OR6C6: variants seen among roughly 807,000 people sequenced by gnomAD.
OR6C6 encodes olfactory receptor 6C6.
For synonymous variants in OR6C6, 140 were observed against 135.2 expected, an observed-to-expected ratio of 1.04 and a Z score of -0.25; for missense variants, 411 against 366.8, an observed-to-expected ratio of 1.12 and a Z score of -0.98.
At position 55,294,037 on chromosome 12, in the gene OR6C6, C is replaced by T. The variant is rs916886183; in HGVS notation, c.*251G>A. 36 of 262,226 alleles carry T rather than the reference C, an allele frequency of 1.4e-4. No homozygotes were observed. The highest frequency in any genetic ancestry group is 5.6e-4 in the African/African-American group (25 of 44,750). 16.2% of individuals were successfully genotyped at this position (262,226 alleles called of 1,614,324 possible). A position where few individuals can be genotyped will look rare whatever the true frequency, so the allele number is the denominator to read the frequency against. The stretch of plus-strand genomic sequence containing the variant: ...TGGGCTCACTGCAACCTCCACCTCC[C>T]GAGTTCAAGCTATTCTCTTGCCTCA... On this transcript the variant is annotated 3_prime_UTR_variant, in exon 2 of 2. Coordinates refer to ENST00000358433, the MANE Select transcript of OR6C6 (RefSeq NM_001005493.2).
chr12:55,294,330 A>C lies in OR6C6; in HGVS notation c.903T>G (p.Asp301Glu). Residue 301 changes from aspartate to glutamate, a missense_variant, in exon 2 of 2, where the codon GAT becomes GAG. Asp to Glu is a conservative substitution (Grantham distance 45). Transcript: ENST00000358433. ...RNQQVKEVFW[D>E]VLQKNLCFSK... ...AAAAACACAAATTCTTTTGTAATAC[A>C]TCCCAGAAGACTTCTTTCACCTGCT... The C allele has an allele frequency of 3.1e-6, 5 of 1,606,810 alleles. No homozygotes were observed. Among genetic ancestry groups the C allele is most frequent in the Non-Finnish European group, 4.2e-6 (5 of 1,177,070 alleles).
rs762956616 is a variant in OR6C6, at chr12:55,295,185, T to C, written c.48A>G (p.Thr16=). The change falls in exon 2 of 2, where the codon ACA becomes ACG. Residue 16 remains threonine, a synonymous_variant. Coordinates refer to ENST00000358433, the MANE Select transcript of OR6C6 (RefSeq NM_001005493.2). ...MEIEFILLGL[T]DDPQLQIVIF... is the part of the protein sequence containing the mutation. ...TCACAATTTGCAACTGTGGGTCATC[T>C]GTCAATCCTAGGAGAATGAACTCTA... 1 of 1,613,166 alleles carries C rather than the reference T, an allele frequency of 6.2e-7. No individual in the cohort carries two copies. Among genetic ancestry groups the C allele is most frequent in the Admixed American group, 1.7e-5 (1 of 59,924 alleles).
In OR6C6 at chr12:55,295,145, A is replaced by G; in HGVS notation, c.88T>C (p.Phe30Leu). ...ATCAGGCTCAAGGTGTAGTTGAGAA[A>G]TAGAAACAGGAAAATCACAATTTGC... ...QLQIVIFLFL[F>L]LNYTLSLMGN... The change falls in exon 2 of 2, where the codon TTT (phenylalanine) becomes CTT (leucine). Residue 30 changes from phenylalanine (F) to leucine (L), a missense_variant. Physicochemically the swap from Phe to Leu is conservative, Grantham distance 22. Coordinates refer to ENST00000358433, the MANE Select transcript of OR6C6 (RefSeq NM_001005493.2). 6.2e-7 allele frequency: 1 copy of G among 1,613,868 alleles called. No homozygotes were observed. Among genetic ancestry groups the G allele is most frequent in the South Asian group, 1.1e-5 (1 of 91,072 alleles).
chr12:55,295,154 G>C lies in OR6C6; in HGVS notation c.79C>G (p.Leu27Val), dbSNP rs199957572. Residue 27 changes from leucine to valine, a missense_variant, in exon 2 of 2, where the codon CTG becomes GTG. By Grantham distance (32) the Leu-to-Val change is conservative. Coordinates refer to ENST00000358433, the MANE Select transcript of OR6C6 (RefSeq NM_001005493.2). ...AAGGTGTAGTTGAGAAATAGAAACA[G>C]GAAAATCACAATTTGCAACTGTGGG... ...DDPQLQIVIF[L>V]FLFLNYTLSL... 146 of 1,613,546 alleles carry C rather than the reference G, an allele frequency of 9.0e-5. 1 individual carries two copies. Among genetic ancestry groups the C allele is most frequent in the Non-Finnish European group, 7.9e-5 (93 of 1,179,770 alleles).
chr12:55,294,870 G>T lies in OR6C6; in HGVS notation c.363C>A (p.Tyr121Ter). ...AATGCAGTGGTTTGCAGATGGCAAC[G>T]TAGCGGTCATAGGACATGGCAGCCA... ...YLLAAMSYDR[Y>*]VAICKPLHYP... Residue 121 changes from tyrosine (Y) to a stop codon, truncating the protein, a stop_gained, in exon 2 of 2, where the codon TAC becomes TAA. Transcript: ENST00000358433. LOFTEE classifies it low-confidence loss of function (END_TRUNC). 1 of 1,614,064 alleles carries T rather than the reference G, an allele frequency of 6.2e-7. No individual in the cohort carries two copies. Among genetic ancestry groups the T allele is most frequent in the African/African-American group, 1.3e-5 (1 of 75,048 alleles).
intron 1 of OR6C6, among the ~76,000 whole-genome samples, chr12:55,295,735 G>T (rs1337296474): frequency 6.6e-6 from 1 of 151,902 alleles, no homozygotes; most frequent in Non-Finnish European, 1.5e-5. Flanking sequence ...GCAATAAATA[G>T]TTAAAGATCC....
Position 55,294,597 on chromosome 12 carries a change from C to T in OR6C6, c.636G>A (p.Val212=). The T allele has an allele frequency of 6.2e-7, 1 of 1,614,064 alleles. No homozygotes were observed. Among genetic ancestry groups the T allele is most frequent in the Middle Eastern group, 1.7e-4 (1 of 6,060 alleles). ...TAATAATGCAAGTGTAAGAGAGAAT[C>T]ACTAATACCAGTGTGACCACAAGTG... ...VVTLVVTLVL[V]ILSYTCIIKT... Residue 212 remains valine (V), a synonymous_variant, in exon 2 of 2, where the codon GTG becomes GTA. Coordinates refer to ENST00000358433, the MANE Select transcript of OR6C6 (RefSeq NM_001005493.2).
chr12:55,294,395 C>T lies in OR6C6; in HGVS notation c.838G>A (p.Ala280Thr). 1 of 1,612,836 alleles carries T rather than the reference C, an allele frequency of 6.2e-7. No individual in the cohort carries two copies. The highest frequency in any genetic ancestry group is 8.5e-7 in the Non-Finnish European group (1 of 1,178,942). ...KGVALLYTSI[A>T]PLLNPFIYTL... ...TAAATGAAGGGATTTAGTAAAGGGGCAATTGAGGTATAGAGCAAAGCTACA... is the reference window on the plus strand; with the variant it reads ...TAAATGAAGGGATTTAGTAAAGGGGTAATTGAGGTATAGAGCAAAGCTACA... Residue 280 changes from alanine to threonine, a missense_variant, in exon 2 of 2, where the codon GCC becomes ACC. Transcript: ENST00000358433.
In OR6C6 at chr12:55,294,334, C is replaced by T; in HGVS notation, c.899G>A (p.Trp300Ter). 1 of 1,612,472 alleles carries T rather than the reference C, an allele frequency of 6.2e-7. No individual in the cohort carries two copies. The highest frequency in any genetic ancestry group is 1.1e-5 in the South Asian group (1 of 90,934). ...LRNQQVKEVF[W>*]DVLQKNLCFS... Reference sequence around the variant, plus strand: ...ACACAAATTCTTTTGTAATACATCCCAGAAGACTTCTTTCACCTGCTGGTT... The same window carrying T: ...ACACAAATTCTTTTGTAATACATCCTAGAAGACTTCTTTCACCTGCTGGTT... Residue 300 changes from tryptophan (W) to a stop codon, truncating the protein, a stop_gained, in exon 2 of 2, where the codon TGG becomes TAG. Coordinates refer to ENST00000358433, the MANE Select transcript of OR6C6 (RefSeq NM_001005493.2). LOFTEE classifies it low-confidence loss of function (END_TRUNC).
chr12:55,295,529 A>G (rs1361294652), intron 1 of OR6C6, among the ~76,000 whole-genome samples: 4 of 151,870 alleles, frequency 2.6e-5, no homozygotes, highest in African/African-American at 9.7e-5. Context: ...TGTCAGATGA[A>G]CTCTACTCTG....
chr12:55,294,791 C>A lies in OR6C6; in HGVS notation c.442G>T (p.Val148Leu). 6.2e-7 allele frequency: 1 copy of A among 1,614,044 alleles called. No homozygotes were observed. The highest frequency in any genetic ancestry group is 8.5e-7 in the Non-Finnish European group (1 of 1,180,004). Residue 148 changes from valine (V) to leucine (L), a missense_variant, in exon 2 of 2, where the codon GTA (valine) becomes TTA (leucine). By Grantham distance (32) the Val-to-Leu change is conservative. Transcript: ENST00000358433. Reference sequence around the variant, plus strand: ...GGAAATATGATTAAGAATCCAGTTACCCAAGAGCTAAGTACAAGTTGGTAG... The same window carrying A: ...GGAAATATGATTAAGAATCCAGTTAACCAAGAGCTAAGTACAAGTTGGTAG... ...VCYQLVLSSW[V>L]TGFLIIFPPL...
In OR6C6 at chr12:55,294,505, A is replaced by G. The variant is rs749892441; in HGVS notation, c.728T>C (p.Met243Thr). The change falls in exon 2 of 2, where the codon ATG becomes ACG. Residue 243 changes from methionine to threonine, a missense_variant. Transcript: ENST00000358433. The stretch of plus-strand genomic sequence containing the variant: ...ACCGTATGTCATGGAGACAACAATC[A>G]TGTGGGAAGTACAGGTGGAAAATGC... ...NKAFSTCTSH[M>T]IVVSMTYGSC... The G allele has an allele frequency of 1.7e-5, 27 of 1,613,710 alleles. No individual in the cohort carries two copies. Among genetic ancestry groups the G allele is most frequent in the East Asian group, 2.2e-5 (1 of 44,864 alleles).
chr12:55,295,975 G>A (rs1031108949), intron 1 of OR6C6, among the ~76,000 whole-genome samples: 2 of 151,650 alleles, frequency 1.3e-5, no homozygotes, highest in Non-Finnish European at 1.5e-5. Flanking sequence ...ACATAATTTC[G>A]GCTATTTTTT....
chr12:55,294,806 C>T lies in OR6C6; in HGVS notation c.427G>A (p.Val143Ile). The change falls in exon 2 of 2, where the codon GTA becomes ATA. Residue 143 changes from valine (V) to isoleucine (I), a missense_variant. By Grantham distance (29) the Val-to-Ile change is conservative (BLOSUM62 3). Coordinates refer to ENST00000358433, the MANE Select transcript of OR6C6 (RefSeq NM_001005493.2). ...AATCCAGTTACCCAAGAGCTAAGTA[C>T]AAGTTGGTAGCAGACTTTGCTGCTC... ...IMSSKVCYQL[V>I]LSSWVTGFLI... is the part of the protein sequence containing the mutation. The T allele has an allele frequency of 6.2e-7, 1 of 1,614,068 alleles. No homozygotes were observed. The highest frequency in any genetic ancestry group is 8.5e-7 in the Non-Finnish European group (1 of 1,179,998).
chr12:55,295,325 A>G (rs1868250818), intron 1 of OR6C6, 68 bp from the exon 2 acceptor site: 1 of 641,874 alleles, frequency 1.6e-6, no homozygotes, highest in Non-Finnish European at 2.5e-6. Flanking sequence ...AGCAGAAAAA[A>G]TATATCTTTT....
rs1013862610 is a variant in OR6C6, at chr12:55,294,899, G to C, written c.334C>G (p.Leu112Val). The stretch of plus-strand genomic sequence containing the variant: ...CGGTCATAGGACATGGCAGCCAGGA[G>C]GTAAAACTCAGTAACTCCCGGTAAA... ...ILLPGVTEFY[L>V]LAAMSYDRYV... The change falls in exon 2 of 2, where the codon CTC (leucine) becomes GTC (valine). Residue 112 changes from leucine (L) to valine (V), a missense_variant. Physicochemically the swap from Leu to Val is conservative, Grantham distance 32. Transcript: ENST00000358433. 1.9e-6 allele frequency: 3 copies of C among 1,613,778 alleles called. No homozygotes were observed. In the African/African-American group the frequency reaches 4.0e-5, roughly 22 times the overall value.
Position 55,294,255 on chromosome 12 carries a change from T to G in OR6C6, c.*33A>C. The G allele has an allele frequency of 7.2e-7, 1 of 1,386,502 alleles. No homozygotes were observed. The highest frequency in any genetic ancestry group is 2.3e-5 in the East Asian group (1 of 43,644). The allele number at this position is 1,386,502 out of a possible 1,614,324, so 85.9% of individuals were successfully genotyped here. A position where few individuals can be genotyped will look rare whatever the true frequency, so the allele number is the denominator to read the frequency against. ...CCACCATGCCAGGCCGTTTTCCAGTTTTTATGGTAAAGTTGTAATTTGTAG... is the reference window on the plus strand; with the variant it reads ...CCACCATGCCAGGCCGTTTTCCAGTGTTTATGGTAAAGTTGTAATTTGTAG... On this transcript the variant is annotated 3_prime_UTR_variant, in exon 2 of 2. Coordinates refer to ENST00000358433, the MANE Select transcript of OR6C6 (RefSeq NM_001005493.2).
rs773410825 is a variant in OR6C6 at position 55,294,881 on chromosome 12, AG to A, written c.351del (p.Tyr118MetfsTer17). ...TTGCAGATGGCAACGTAGCGGTCATAGGACATGGCAGCCAGGAGGTAAAACT... is the reference window on the plus strand; with the variant it reads ...TTGCAGATGGCAACGTAGCGGTCATAGACATGGCAGCCAGGAGGTAAAACT... ...VTEFYLLAAM[S>X]YDRYVAICKP... On this transcript the variant is annotated frameshift_variant, in exon 2 of 2. Transcript: ENST00000358433. LOFTEE classifies it low-confidence loss of function (END_TRUNC). 1.9e-6 allele frequency: 3 copies of A among 1,614,108 alleles called. No individual in the cohort carries two copies. The Admixed American group carries it at 5.0e-5, about 27-fold the overall frequency.
Position 55,295,064 on chromosome 12 carries a change from T to C in OR6C6, c.169A>G (p.Met57Val), listed in dbSNP as rs1378895939. The change falls in exon 2 of 2, where the codon ATG (methionine) becomes GTG (valine). Residue 57 changes from methionine to valine, a missense_variant. Physicochemically the swap from Met to Val is conservative, Grantham distance 21. Coordinates refer to ENST00000358433, the MANE Select transcript of OR6C6 (RefSeq NM_001005493.2). ...TLLDPRLKTP[M>V]YFFLRNFSFL... is the part of the protein sequence containing the mutation. ...GAGAAATTACGGAGAAAGAAATACA[T>C]TGGCGTCTTGAGCCGGGGATCCAGC... 2 of 1,614,014 alleles carry C rather than the reference T, an allele frequency of 1.2e-6. No individual in the cohort carries two copies. Among genetic ancestry groups the C allele is most frequent in the Non-Finnish European group, 1.7e-6 (2 of 1,179,992 alleles).
Sources: gnomAD v4.1 joint callset for allele counts (sites outside exome capture counted in the v4.1 genomes callset) on GRCh38, gnomAD v4.1.1 for gene constraint, MANE v1.5 for transcripts, NCBI Gene and HGNC (gene_info 2026-07-23, HGNC 2026-07-21) for gene names.